LRRC38: variants seen among roughly 807,000 people sequenced by gnomAD.
LRRC38 encodes leucine rich repeat containing 38.
A neutral mutation model predicts 16.4 loss-of-function variants in LRRC38; 5 were observed. The ratio of observed to expected loss-of-function variants is 0.31; its 90% CI spans 0.16 to 0.64. The LOEUF is 0.64. Among genes scored for constraint, LRRC38 ranks in the 30% least tolerant of loss-of-function variants. The pLI, the probability that LRRC38 is intolerant of heterozygous loss-of-function variation, is 0.80. For synonymous variants in LRRC38, 191 were observed against 190.2 expected (o/e 1.00, Z -0.04); for missense variants, 341 against 401.8 (o/e 0.85, Z 1.29).
chr1:13,496,189 G>T (rs529797056), intron 1 of LRRC38, among the ~76,000 whole-genome samples: 2 of 151,994 alleles, frequency 1.3e-5, no homozygotes, highest in East Asian at 3.9e-4. Flanking sequence ...GAGAGAGATA[G>T]AGTGTCTCGT....
chr1:13,501,227 A>C (rs1355408905), intron 1 of LRRC38, among the ~76,000 whole-genome samples: 1 of 151,944 alleles, frequency 6.6e-6, no homozygotes, highest in Non-Finnish European at 1.5e-5. Context: ...TATATACAGC[A>C]TATAAATACA....
Position 13,513,109 on chromosome 1 carries a change from T to G in LRRC38, c.485A>C (p.Asn162Thr). The G allele has an allele frequency of 6.5e-7, 1 of 1,550,194 alleles. No individual in the cohort carries two copies. Residue 162 changes from asparagine (N) to threonine (T), a missense_variant, in exon 1 of 2, where the codon AAC becomes ACC. Asn to Thr is a moderately conservative substitution (Grantham distance 65, BLOSUM62 0). Coordinates refer to ENST00000376085, the MANE Select transcript of LRRC38 (RefSeq NM_001010847.2). ...GGCCACGCTGAGGCTGCGCAGGTTG[T>G]TGTCGTTGAGCTCCAGCACCTGCAG... ...ESLQVLELND[N>T]NLRSLSVAAL...
chr1:13,485,216 G>T (rs897047649), intron 1 of LRRC38, among the ~76,000 whole-genome samples: 12 of 146,138 alleles, frequency 8.2e-5, no homozygotes, highest in African/African-American at 2.5e-4. Flanking sequence ...GGCGGAGGTT[G>T]TGATGAGCCA....
intron 1 of LRRC38, among the ~76,000 whole-genome samples, chr1:13,494,462 ACT>A (rs1191550993): frequency 7.3e-6 from 1 of 137,700 alleles, no homozygotes; most frequent in Admixed American, 7.9e-5. Flanking sequence ...TTTTACAGGG[ACT>A]CTCTCTCTGG....
intron 1 of LRRC38, among the ~76,000 whole-genome samples, chr1:13,491,047 T>C (rs1048529325): frequency 1.3e-5 from 2 of 152,222 alleles, no homozygotes; most frequent in African/African-American, 4.8e-5. Context: ...GGTTACCATT[T>C]AACGTAACCC....
Position 13,513,175 on chromosome 1 carries a change from A to C in LRRC38, c.419T>G (p.Leu140Arg). The C allele has an allele frequency of 6.4e-7, 1 of 1,550,482 alleles. No homozygotes were observed. The highest frequency in any genetic ancestry group is 8.7e-7 in the Non-Finnish European group (1 of 1,146,940). Residue 140 changes from leucine (L) to arginine (R), a missense_variant, in exon 1 of 2, where the codon CTG becomes CGG. Coordinates refer to ENST00000376085, the MANE Select transcript of LRRC38 (RefSeq NM_001010847.2). ...LVKLSLANNN[L>R]VGVHEDAFET... ...GAAGGCGTCCTCGTGCACGCCCACC[A>C]GGTTGTTGTTAGCCAGGCTAAGCTT...
intron 1 of LRRC38, among the ~76,000 whole-genome samples, chr1:13,497,316 AC>A (rs1424364110): frequency 6.6e-6 from 1 of 152,080 alleles, no homozygotes; most frequent in Non-Finnish European, 1.5e-5. Context: ...TGTTTAATGC[AC>A]CCTGGTTTCC....
At position 13,487,263 on chromosome 1, in the gene LRRC38, G is replaced by T. The variant is rs1162557830; in HGVS notation, c.632-11164C>A. On this transcript the variant is annotated intron_variant, in intron 1 of 1. Coordinates refer to ENST00000376085, the MANE Select transcript of LRRC38 (RefSeq NM_001010847.2). The surrounding 1 kb of genome is among the most constrained non-coding windows in gnomAD (Gnocchi z 4.4). ...ACAACGGAATTCAAGAACGAATTGGGCTCCTGTCCTAACTGTCAGCCTTTG... is the reference window on the plus strand; with the variant it reads ...ACAACGGAATTCAAGAACGAATTGGTCTCCTGTCCTAACTGTCAGCCTTTG... Among the ~76,000 whole-genome samples the T allele has an allele frequency of 6.6e-6, 1 of 152,186 alleles. No individual in the cohort carries two copies. Among genetic ancestry groups the T allele is most frequent in the Non-Finnish European group, 1.5e-5 (1 of 68,040 alleles).
chr1:13,504,028 C>T (rs143871150), intron 1 of LRRC38, among the ~76,000 whole-genome samples: 22 of 152,328 alleles, frequency 1.4e-4, no homozygotes, highest in African/African-American at 3.4e-4. Flanking sequence ...GGTTGTCACA[C>T]GTTTGGGATT....
At chr1:13,489,147 A>T (rs924674581) in intron 1 of LRRC38, among the ~76,000 whole-genome samples, 10 of 152,244 alleles carry the variant, frequency 6.6e-5, no homozygotes, top group African/African-American at 2.4e-4. Flanking sequence ...GGAAGGACAA[A>T]CATGGAAGGT....
chr1:13,496,317 T>C (rs565931765), intron 1 of LRRC38, among the ~76,000 whole-genome samples: 175 of 152,114 alleles, frequency 1.2e-3, no homozygotes, highest in African/African-American at 4.0e-3. Flanking sequence ...TACAGGTGTG[T>C]GCCACCAAAC....
intron 1 of LRRC38, among the ~76,000 whole-genome samples, chr1:13,503,065 C>T (rs970056885): frequency 2.0e-5 from 3 of 152,106 alleles, no homozygotes; most frequent in Admixed American, 6.5e-5. Flanking sequence ...GGGACCCACC[C>T]AGGGGACCTT....
chr1:13,493,834 G>T (rs1425603610), intron 1 of LRRC38, among the ~76,000 whole-genome samples: 1 of 152,200 alleles, frequency 6.6e-6, no homozygotes, highest in Non-Finnish European at 1.5e-5. Flanking sequence ...GGAGGCTGAG[G>T]TGAGTAGACC....
At chr1:13,476,270 C>T (rs1206663209) in intron 1 of LRRC38, among the ~76,000 whole-genome samples, 171 bp from the exon 2 acceptor site, 1 of 150,854 alleles carries the variant, frequency 6.6e-6, no homozygotes, top group African/African-American at 2.4e-5. Flanking sequence ...AAAAAAAAAG[C>T]CTTAGAGTGA....
At chr1:13,507,649 T>C (rs944784089) in intron 1 of LRRC38, among the ~76,000 whole-genome samples, 4 of 151,964 alleles carry the variant, frequency 2.6e-5, no homozygotes, top group African/African-American at 7.3e-5. Context: ...CTGGCCAACA[T>C]GGTGAAACCC....
intron 1 of LRRC38, among the ~76,000 whole-genome samples, chr1:13,493,428 A>G (rs542812114): frequency 6.6e-6 from 1 of 152,138 alleles, no homozygotes; most frequent in Admixed American, 6.5e-5. Flanking sequence ...ACAGGTGGGG[A>G]CACAGAAGTG....
At chr1:13,497,468 G>A (rs1002236605) in intron 1 of LRRC38, among the ~76,000 whole-genome samples, 2 of 151,952 alleles carry the variant, frequency 1.3e-5, no homozygotes, top group African/African-American at 2.4e-5. Context: ...TGTGAGATTT[G>A]AGGGGCCACA....
intron 1 of LRRC38, among the ~76,000 whole-genome samples, chr1:13,508,826 C>CG (rs1639241524): frequency 2.0e-5 from 3 of 152,186 alleles, no homozygotes; most frequent in Non-Finnish European, 2.9e-5. Context: ...ACAAGAACTC[C>CG]TCATTCCTCT....
In LRRC38 at chr1:13,513,029, G is replaced by T; in HGVS notation, c.565C>A (p.Leu189Met). Residue 189 changes from leucine (L) to methionine (M), a missense_variant, in exon 1 of 2, where the codon CTG (leucine) becomes ATG (methionine). Leu to Met is a conservative substitution (Grantham distance 15). Transcript: ENST00000376085. Reference protein sequence around the residue: ...RSLRLDGNPWLCDCDFAHLFS... With the variant: ...RSLRLDGNPWMCDCDFAHLFS... ...AGGTGGGCGAAGTCACAGTCGCACA[G>T]CCAGGGGTTCCCGTCCAGACGCAGG... 6.5e-7 allele frequency: 1 copy of T among 1,547,318 alleles called. No homozygotes were observed. The highest frequency in any genetic ancestry group is 8.7e-7 in the Non-Finnish European group (1 of 1,145,234).
Sources: allele counts gnomAD v4.1 joint callset (sites outside exome capture counted in the v4.1 genomes callset), GRCh38; gene constraint gnomAD v4.1.1; non-coding constraint Gnocchi (gnomAD v3.1); transcripts MANE v1.5; gene names NCBI Gene and HGNC (gene_info 2026-07-23, HGNC 2026-07-21).